Variants in CDH13 observed in about 807,000 individuals in gnomAD.
The protein encoded by CDH13 is cadherin-13.
A neutral mutation model predicts 63.8 loss-of-function variants in CDH13; 24 were observed. That is an observed-to-expected ratio of 0.38 (90% CI 0.27 to 0.53). CDH13 has a LOEUF of 0.53. CDH13 is among the 20% of genes least tolerant of loss of function. The probability of loss-of-function intolerance (pLI) is 0.85; values close to 1 mark genes in which losing one functional copy is unlikely to be tolerated. For missense variants in CDH13, 1,049 were observed against 903.1 expected, an observed-to-expected ratio of 1.16 and a Z score of -2.07; for synonymous variants, 503 against 355.3, an observed-to-expected ratio of 1.42 and a Z score of -4.67.
At chr16:83,394,357 A>T (rs1239139427) in intron 6 of CDH13, among the ~76,000 whole-genome samples, 1 of 152,120 alleles carries the variant, frequency 6.6e-6, no homozygotes, top group Non-Finnish European at 1.5e-5. Flanking sequence ...GCAATATTTG[A>T]ACACAGCCTG....
intron 1 of CDH13, chr16:82,719,448 T>G (rs1196018165): frequency 4.4e-6 from 2 of 455,914 alleles, no homozygotes; most frequent in Admixed American, 4.7e-5. Flanking sequence ...TTTTCCCACT[T>G]GCAGAAGGAA....
intron 4 of CDH13, among the ~76,000 whole-genome samples, chr16:83,138,511 G>C (rs773461105): frequency 2.0e-5 from 3 of 152,202 alleles, no homozygotes; most frequent in African/African-American, 4.8e-5. Context: ...CAGTATCTAC[G>C]GGCGAGAGGG....
At chr16:83,718,356 G>T (rs1909225725) in intron 10 of CDH13, among the ~76,000 whole-genome samples, 1 of 152,166 alleles carries the variant, frequency 6.6e-6, no homozygotes, top group African/African-American at 2.4e-5. Context: ...AGAAATTCAA[G>T]AATGAGTCAG....
chr16:82,649,153 A>T (rs1474525702), intron 1 of CDH13, among the ~76,000 whole-genome samples: 1 of 152,222 alleles, frequency 6.6e-6, no homozygotes, highest in African/African-American at 2.4e-5. Flanking sequence ...GCAATCCTAT[A>T]TGCTATGCTT....
intron 1 of CDH13, among the ~76,000 whole-genome samples, chr16:82,663,588 T>G (rs1236385011): frequency 6.6e-6 from 1 of 152,218 alleles, no homozygotes; most frequent in East Asian, 1.9e-4. Flanking sequence ...GTCAGATTTA[T>G]CATTCTTTGT....
intron 4 of CDH13, among the ~76,000 whole-genome samples, chr16:83,154,344 C>A (rs965197580): frequency 2.0e-5 from 3 of 152,006 alleles, no homozygotes; most frequent in Middle Eastern, 3.2e-3. Context: ...TTCACAAGGT[C>A]AGGAGATCCA....
rs145554610 is a variant in CDH13 at position 82,882,490 on chromosome 16, G to A, written c.157+24017G>A. 2.1e-3 allele frequency among the ~76,000 whole-genome samples: 315 copies of A among 152,324 alleles called. 5 individuals carry two copies. Among genetic ancestry groups the A allele is most frequent in the Non-Finnish European group, 4.6e-4 (31 of 68,032 alleles). On this transcript the variant is annotated intron_variant, in intron 2 of 13. Transcript: ENST00000567109. ...TGGCCGCTGGCAGGCAAGCTAACCAGCTGTGAACCATGGTCACCGCTGCAG... is the reference window on the plus strand; with the variant it reads ...TGGCCGCTGGCAGGCAAGCTAACCAACTGTGAACCATGGTCACCGCTGCAG...
chr16:82,854,888 A>G (rs1342087542), intron 1 of CDH13, among the ~76,000 whole-genome samples: 2 of 152,138 alleles, frequency 1.3e-5, no homozygotes, highest in Non-Finnish European at 2.9e-5. Flanking sequence ...TTGACTCCTT[A>G]TCCTGTGTGG....
chr16:82,871,271 G>T (rs1386424765), intron 2 of CDH13, among the ~76,000 whole-genome samples: 1 of 152,182 alleles, frequency 6.6e-6, no homozygotes, highest in Non-Finnish European at 1.5e-5. Flanking sequence ...GTCAGACAGG[G>T]TGGCTGGCTT....
intron 10 of CDH13, among the ~76,000 whole-genome samples, chr16:83,712,180 A>G (rs1478426177): frequency 6.6e-6 from 1 of 152,202 alleles, no homozygotes; most frequent in African/African-American, 2.4e-5. Flanking sequence ...ACATCCACAT[A>G]TATATTTGGG....
chr16:83,051,337 G>A (rs1030511206), intron 3 of CDH13, among the ~76,000 whole-genome samples: 1 of 152,186 alleles, frequency 6.6e-6, no homozygotes, highest in South Asian at 2.1e-4. Context: ...GATGGCATAA[G>A]TGGGTTGCAA....
At chr16:82,905,604 T>A (rs373677506) in intron 2 of CDH13, among the ~76,000 whole-genome samples, 165 of 152,264 alleles carry the variant, frequency 1.1e-3, no homozygotes, top group South Asian at 4.3e-3. Flanking sequence ...CTCATACAAA[T>A]ATAACATAAG....
chr16:83,395,116 C>G (rs970189846), intron 6 of CDH13, among the ~76,000 whole-genome samples: 3 of 148,504 alleles, frequency 2.0e-5, no homozygotes, highest in African/African-American at 5.0e-5. Context: ...CCATTGCACT[C>G]CAGCCTGGAC....
At chr16:83,044,036 G>T (rs1231420579) in intron 3 of CDH13, among the ~76,000 whole-genome samples, 1 of 152,158 alleles carries the variant, frequency 6.6e-6, no homozygotes, top group Non-Finnish European at 1.5e-5. Context: ...CAGGAATATT[G>T]CATTTTTTGA....
intron 1 of CDH13, among the ~76,000 whole-genome samples, chr16:82,652,568 C>G (rs548770196): frequency 6.4e-4 from 98 of 151,972 alleles, no homozygotes; most frequent in Non-Finnish European, 1.0e-3. Context: ...ACCTTTGATC[C>G]TACTCCTCAT....
chr16:83,446,300 CAAA>C (rs200693082), intron 6 of CDH13, among the ~76,000 whole-genome samples: 12 of 82,366 alleles, frequency 1.5e-4, no homozygotes, highest in Non-Finnish European at 2.8e-4. Context: ...GAGACTGTCT[CAAA>C]AAAAAAAAAA....
At chr16:83,517,021 G>A (rs1016054977) in intron 7 of CDH13, among the ~76,000 whole-genome samples, 22 of 152,296 alleles carry the variant, frequency 1.4e-4, no homozygotes, top group African/African-American at 5.3e-4. Context: ...ACTGAAAAAA[G>A]TCTGGATACA....
chr16:82,780,261 C>G (rs1227069070), intron 1 of CDH13, among the ~76,000 whole-genome samples: 1 of 152,212 alleles, frequency 6.6e-6, no homozygotes, highest in Non-Finnish European at 1.5e-5. Flanking sequence ...TCTGTCTCCA[C>G]TCTCCCTACA....
At chr16:83,549,844 C>T (rs2075457912) in intron 7 of CDH13, among the ~76,000 whole-genome samples, 1 of 152,218 alleles carries the variant, frequency 6.6e-6, no homozygotes, top group South Asian at 2.1e-4. Flanking sequence ...GTAATCAAGG[C>T]ATTTGTAACT....
Sources: allele counts gnomAD v4.1 joint callset (sites outside exome capture counted in the v4.1 genomes callset), GRCh38; gene constraint gnomAD v4.1.1; transcripts MANE v1.5; gene names NCBI Gene and HGNC (gene_info 2026-07-23, HGNC 2026-07-21).